The following ANKRD46 variants were observed in gnomAD, a reference collection of about 807,000 sequenced individuals.
The protein encoded by ANKRD46 is ankyrin repeat domain 46.
A neutral mutation model predicts 19.8 loss-of-function variants in ANKRD46; 13 were observed. That is an observed-to-expected ratio of 0.66 (90% confidence interval 0.43 to 1.04). ANKRD46 has a LOEUF of 1.04. Among genes scored for constraint, ANKRD46 ranks in the 50% least tolerant of loss-of-function variants. The probability of loss-of-function intolerance (pLI) is 0.00; values close to 1 mark genes in which losing one functional copy is unlikely to be tolerated. For synonymous variants in ANKRD46, 91 were observed against 106.9 expected, an observed-to-expected ratio of 0.85 and a Z score of 0.92; for missense variants, 185 against 274.8, an observed-to-expected ratio of 0.67 and a Z score of 2.31.
At position 100,557,372 on chromosome 8, in the gene ANKRD46, A is replaced by G. The variant is rs949526979; in HGVS notation, c.-131+2339T>C. Among the ~76,000 whole-genome samples, 1 of 152,210 alleles carries G rather than the reference A, an allele frequency of 6.6e-6. No homozygotes were observed. Among genetic ancestry groups the G allele is most frequent in the African/African-American group, 2.4e-5 (1 of 41,456 alleles). On this transcript the variant is annotated intron_variant, in intron 1 of 4. Transcript: ENST00000335659. This position sits in a 1 kb window ranked among gnomAD's most constrained non-coding sequence, Gnocchi z 5.9. ...AAACCATAAGCAAATCCTATCAGCAATACTCAGAATACGACGGCTTCTTAC... is the reference window on the plus strand; with the variant it reads ...AAACCATAAGCAAATCCTATCAGCAGTACTCAGAATACGACGGCTTCTTAC...
In ANKRD46 at chr8:100,525,094, G is replaced by A. The variant is rs1218091493; in HGVS notation, c.471-2323C>T. On this transcript the variant is annotated intron_variant, in intron 4 of 4. Coordinates refer to ENST00000335659, the MANE Select transcript of ANKRD46 (RefSeq NM_001270377.2). The surrounding 1 kb of genome is among the most constrained non-coding windows in gnomAD (Gnocchi z 4.4). ...ATAGTCCCTTATAAGGCCTGCAGAA[G>A]TTGTGCTGTCTTGGGGGAATCCTAA... Among the ~76,000 whole-genome samples, 1 of 152,164 alleles carries A rather than the reference G, an allele frequency of 6.6e-6. No individual in the cohort carries two copies. Among genetic ancestry groups the A allele is most frequent in the Non-Finnish European group, 1.5e-5 (1 of 68,030 alleles).
Position 100,550,023 on chromosome 8 carries a change from C to A in ANKRD46, c.-131+9688G>T, listed in dbSNP as rs780365674. Among the ~76,000 whole-genome samples the A allele has an allele frequency of 5.9e-5, 9 of 152,178 alleles. No individual in the cohort carries two copies. The highest frequency in any genetic ancestry group is 1.3e-4 in the Non-Finnish European group (9 of 68,036). ...GCTTCATAGTTTCTCTTTAGGACTGCATAATATGTCATTCTCTGTATGTAT... is the reference window on the plus strand; with the variant it reads ...GCTTCATAGTTTCTCTTTAGGACTGAATAATATGTCATTCTCTGTATGTAT... On this transcript the variant is annotated intron_variant, in intron 1 of 4. Transcript: ENST00000335659. This position sits in a 1 kb window ranked among gnomAD's most constrained non-coding sequence, Gnocchi z 4.4.
At position 100,525,443 on chromosome 8, in the gene ANKRD46, A is replaced by T. The variant is rs1212110054; in HGVS notation, c.470+2402T>A. On this transcript the variant is annotated intron_variant, in intron 4 of 4. Coordinates refer to ENST00000335659, the MANE Select transcript of ANKRD46 (RefSeq NM_001270377.2). This position sits in a 1 kb window ranked among gnomAD's most constrained non-coding sequence, Gnocchi z 4.4. ...CTCCCAGCTTCTAGTCTACTTTCTCATCTACTTTCTGTCTCTATGGATTTG... is the reference window on the plus strand; with the variant it reads ...CTCCCAGCTTCTAGTCTACTTTCTCTTCTACTTTCTGTCTCTATGGATTTG... 6.6e-6 allele frequency among the ~76,000 whole-genome samples: 1 copy of T among 152,098 alleles called. No individual in the cohort carries two copies. The highest frequency in any genetic ancestry group is 1.5e-5 in the Non-Finnish European group (1 of 68,008).
chr8:100,520,766 T>G, downstream of ANKRD46: 4 of 593,194 alleles, frequency 6.7e-6, no homozygotes, highest in Non-Finnish European at 8.1e-6. Flanking sequence ...AAAAGAGAAA[T>G]CGTGATTAAG....
chr8:100,526,691 A>C (rs559192190), intron 4 of ANKRD46, among the ~76,000 whole-genome samples: 1 of 152,296 alleles, frequency 6.6e-6, no homozygotes, highest in East Asian at 1.9e-4. Context: ...TAAGCTTGAG[A>C]GTGGAATTAA....
intron 1 of ANKRD46, among the ~76,000 whole-genome samples, chr8:100,554,025 C>T (rs1161233385): frequency 6.6e-6 from 1 of 152,136 alleles, no homozygotes; most frequent in African/African-American, 2.4e-5. Flanking sequence ...ATTAAAAGCA[C>T]CACTTATTGG....
Position 100,525,168 on chromosome 8 carries a change from T to G in ANKRD46, c.471-2397A>C, listed in dbSNP as rs1668797388. Among the ~76,000 whole-genome samples the G allele has an allele frequency of 6.6e-6, 1 of 152,212 alleles. No homozygotes were observed. The highest frequency in any genetic ancestry group is 2.4e-5 in the African/African-American group (1 of 41,462). On this transcript the variant is annotated intron_variant, in intron 4 of 4. Coordinates refer to ENST00000335659, the MANE Select transcript of ANKRD46 (RefSeq NM_001270377.2). This position sits in a 1 kb window ranked among gnomAD's most constrained non-coding sequence, Gnocchi z 4.4. ...AATACATTTAAAACCCTGCTTTATC[T>G]TCTGCTCTAGAAAAAGCCATTACAC...
rs543397491 is a variant in ANKRD46, at chr8:100,527,710, T to C, written c.470+135A>G. ...AAGTGACTTTCCCCTTAAAAAATCGTATTATCTTGCTGGGTGTGGCTACAT... is the reference window on the plus strand; with the variant it reads ...AAGTGACTTTCCCCTTAAAAAATCGCATTATCTTGCTGGGTGTGGCTACAT... On this transcript the variant is annotated intron_variant, in intron 4 of 4. Coordinates refer to ENST00000335659, the MANE Select transcript of ANKRD46 (RefSeq NM_001270377.2). This position sits in a 1 kb window ranked among gnomAD's most constrained non-coding sequence, Gnocchi z 4.0. The C allele has an allele frequency of 3.3e-4, 271 of 828,626 alleles. 4 individuals are homozygous for C. The South Asian group carries it at 7.5e-3, about 23-fold the overall frequency. 51.3% of individuals were successfully genotyped at this position (828,626 alleles called of 1,614,324 possible).
chr8:100,538,674 T>C (rs1016827932), intron 1 of ANKRD46, among the ~76,000 whole-genome samples: 2 of 152,176 alleles, frequency 1.3e-5, no homozygotes, highest in African/African-American at 4.8e-5. Flanking sequence ...GAACCAGTAA[T>C]CTTTCAAGAT....
downstream of ANKRD46, among the ~76,000 whole-genome samples, chr8:100,519,432 T>C (rs1159885944): frequency 6.6e-6 from 1 of 152,182 alleles, no homozygotes; most frequent in Non-Finnish European, 1.5e-5. Flanking sequence ...GGCTAAAGAT[T>C]CTGGATGATG....
chr8:100,558,265 C>T (rs1038637992), intron 1 of ANKRD46, among the ~76,000 whole-genome samples: 16 of 152,260 alleles, frequency 1.1e-4, no homozygotes, highest in East Asian at 1.9e-4. Context: ...GCCAAAAATT[C>T]CTTATCACTT....
chr8:100,522,590 G>GTAGCA lies in ANKRD46; in HGVS notation c.647_651dup (p.Pro218CysfsTer20). 1 of 1,613,964 alleles carries GTAGCA rather than the reference G, an allele frequency of 6.2e-7. No individual in the cohort carries two copies. Among genetic ancestry groups the GTAGCA allele is most frequent in the South Asian group, 1.1e-5 (1 of 91,068 alleles). On this transcript the variant is annotated frameshift_variant, in exon 5 of 5. Coordinates refer to ENST00000335659, the MANE Select transcript of ANKRD46 (RefSeq NM_001270377.2). LOFTEE classifies it high-confidence loss of function. ...AGTTCAGGCTGGTTTTCCACGAAGG[G>GTAGCA]TAGCACCCCACTCACATAATAAGCA...
Position 100,511,052 on chromosome 8 carries a change from T to A in ANKRD46, c.637-413A>T, listed in dbSNP as rs1811541298. ...CACAGGGCAGAGCTCTAGATTGTGC[T>A]TGGCCTAAAGAGGAAGTAATCATAT... On this transcript the variant is annotated intron_variant, in intron 5 of 5. Transcript: ENST00000520552. The surrounding 1 kb of genome is among the most constrained non-coding windows in gnomAD (Gnocchi z 4.1). Among the ~76,000 whole-genome samples, 1 of 152,210 alleles carries A rather than the reference T, an allele frequency of 6.6e-6. No homozygotes were observed. The highest frequency in any genetic ancestry group is 2.4e-5 in the African/African-American group (1 of 41,444).
At position 100,532,652 on chromosome 8, in the gene ANKRD46, C is replaced by T. The variant is rs922306287; in HGVS notation, c.-28+557G>A. Reference sequence around the variant, plus strand: ...ATGGAAGAAGAATTGTCTTGGGCTACACATAAAATACATAATGATAGCTGA... The same window carrying T: ...ATGGAAGAAGAATTGTCTTGGGCTATACATAAAATACATAATGATAGCTGA... On this transcript the variant is annotated intron_variant, in intron 2 of 4. Transcript: ENST00000335659. The surrounding 1 kb of genome is among the most constrained non-coding windows in gnomAD (Gnocchi z 4.7). Among the ~76,000 whole-genome samples, 5 of 152,104 alleles carry T rather than the reference C, an allele frequency of 3.3e-5. No individual in the cohort carries two copies. Among genetic ancestry groups the T allele is most frequent in the African/African-American group, 1.2e-4 (5 of 41,406 alleles).
In ANKRD46 at chr8:100,524,082, C is replaced by A. The variant is rs754793788; in HGVS notation, c.471-1311G>T. 6.6e-6 allele frequency among the ~76,000 whole-genome samples: 1 copy of A among 152,176 alleles called. No homozygotes were observed. Among genetic ancestry groups the A allele is most frequent in the African/African-American group, 2.4e-5 (1 of 41,448 alleles). On this transcript the variant is annotated intron_variant, in intron 4 of 4. Coordinates refer to ENST00000335659, the MANE Select transcript of ANKRD46 (RefSeq NM_001270377.2). The surrounding 1 kb of genome is among the most constrained non-coding windows in gnomAD (Gnocchi z 4.3). ...AGGTAGTGCAAATACCATAAAAACA[C>A]TGATTCTGGTTTTCAGAACTTTATC...
intron 1 of ANKRD46, among the ~76,000 whole-genome samples, chr8:100,540,422 T>A (rs1812154075): frequency 6.6e-6 from 1 of 152,170 alleles, no homozygotes; most frequent in African/African-American, 2.4e-5. Flanking sequence ...TAAGCCAAAT[T>A]AACTGTTTTT....
intron 1 of ANKRD46, chr8:100,551,155 C>T (rs769865915): frequency 1.1e-5 from 5 of 446,834 alleles, no homozygotes; most frequent in African/African-American, 2.0e-5. Context: ...CAGAGGCCAT[C>T]GAGTCTTCTG....
intron 1 of ANKRD46, 154 bp from the exon 2 acceptor site, chr8:100,533,465 G>A (rs1487758501): frequency 2.0e-5 from 3 of 152,176 alleles, no homozygotes; most frequent in South Asian, 2.1e-4. Flanking sequence ...AATATCTGAC[G>A]AGTAACAAAG....
chr8:100,556,014 A>T (rs967395747), intron 1 of ANKRD46, among the ~76,000 whole-genome samples: 2 of 152,166 alleles, frequency 1.3e-5, no homozygotes, highest in Non-Finnish European at 2.9e-5. Context: ...CAAGAACCTG[A>T]ACTCATGCCT....
Sources: gnomAD v4.1 joint callset for allele counts (sites outside exome capture counted in the v4.1 genomes callset) on GRCh38, gnomAD v4.1.1 for gene constraint, Gnocchi (gnomAD v3.1) non-coding constraint, MANE v1.5 for transcripts, NCBI Gene and HGNC (gene_info 2026-07-23, HGNC 2026-07-21) for gene names.